ADGRA3: variants seen among roughly 807,000 people sequenced by gnomAD.
ADGRA3 encodes the protein adhesion G protein-coupled receptor A3.
Under a neutral mutation model 119.8 loss-of-function variants are expected in ADGRA3, and 56 were observed. The observed-to-expected ratio is 0.47, with a 90% CI of 0.38 to 0.58. The LOEUF (loss-of-function observed/expected upper bound fraction) is 0.58. Ranked by LOEUF, ADGRA3 falls within the 20% of genes least tolerant of loss-of-function variation. The pLI is 0.00. For missense variants in ADGRA3, 1,516 were observed against 1,649.0 expected, an observed-to-expected ratio of 0.92 and a Z score of 1.40; for synonymous variants, 607 against 623.8, an observed-to-expected ratio of 0.97 and a Z score of 0.40.
chr4:22,447,000 A>G (rs1437427649), intron 5 of ADGRA3, among the ~76,000 whole-genome samples: 1 of 150,912 alleles, frequency 6.6e-6, no homozygotes, highest in Non-Finnish European at 1.5e-5. Context: ...GAATATCCCT[A>G]GAAACATCAG....
intron 3 of ADGRA3, among the ~76,000 whole-genome samples, chr4:22,456,248 C>T (rs886614106): frequency 6.6e-6 from 1 of 152,096 alleles, no homozygotes; most frequent in African/African-American, 2.4e-5. Flanking sequence ...GTCAACTTCG[C>T]TGGATTGAGA....
At chr4:22,509,882 C>T (rs1212211637) in intron 1 of ADGRA3, among the ~76,000 whole-genome samples, 4 of 151,668 alleles carry the variant, frequency 2.6e-5, no homozygotes, top group African/African-American at 4.8e-5. Context: ...TGGTAGCGGG[C>T]GCCTGTAGTC....
At chr4:22,488,357 A>T (rs1323780545) in intron 1 of ADGRA3, among the ~76,000 whole-genome samples, 2 of 47,198 alleles carry the variant, frequency 4.2e-5, no homozygotes, top group African/African-American at 9.4e-5. Context: ...ATGAAGCTTT[A>T]AAAAAAAAAA....
At chr4:22,508,342 T>C (rs1484989122) in intron 1 of ADGRA3, among the ~76,000 whole-genome samples, 6 of 152,160 alleles carry the variant, frequency 3.9e-5, no homozygotes. Context: ...AAGCAAAATA[T>C]AAACTGCTCA....
chr4:22,450,184 C>G (rs906084257), intron 4 of ADGRA3, among the ~76,000 whole-genome samples: 11 of 151,562 alleles, frequency 7.3e-5, no homozygotes, highest in African/African-American at 1.2e-4. Flanking sequence ...ATGACCAGAA[C>G]AAAGTCACTG....
chr4:22,504,841 C>T (rs901825713), intron 1 of ADGRA3, among the ~76,000 whole-genome samples: 1 of 152,020 alleles, frequency 6.6e-6, no homozygotes, highest in African/African-American at 2.4e-5. Context: ...CCAGAACCAC[C>T]CAACGAGGCT....
chr4:22,485,315 A>G (rs1190921023), intron 1 of ADGRA3, among the ~76,000 whole-genome samples: 1 of 152,128 alleles, frequency 6.6e-6, no homozygotes, highest in Non-Finnish European at 1.5e-5. Flanking sequence ...TTGGCCTCCC[A>G]AAGTGCTAGG....
intron 1 of ADGRA3, among the ~76,000 whole-genome samples, chr4:22,481,342 C>T (rs935956552): frequency 1.3e-5 from 2 of 152,142 alleles, no homozygotes; most frequent in African/African-American, 2.4e-5. Flanking sequence ...TTACCCCAGT[C>T]ATGAAAACTG....
rs571722336 is a variant in ADGRA3 at position 22,451,764 on chromosome 4, C to T, written c.473+3102G>A. Among the ~76,000 whole-genome samples the T allele has an allele frequency of 4.3e-4, 65 of 152,258 alleles. 1 individual carries two copies. In the South Asian group the frequency reaches 5.4e-3, roughly 13 times the overall value. On this transcript the variant is annotated intron_variant, in intron 4 of 18. Coordinates refer to ENST00000334304, the MANE Select transcript of ADGRA3 (RefSeq NM_145290.4). ...CCATTTGAAGAGTTACCAGAGGAAACGGCTAGAACAGTGATCCACTCTAGA... is the reference window on the plus strand; with the variant it reads ...CCATTTGAAGAGTTACCAGAGGAAATGGCTAGAACAGTGATCCACTCTAGA...
At chr4:22,507,785 C>A (rs552351998) in intron 1 of ADGRA3, among the ~76,000 whole-genome samples, 2 of 152,104 alleles carry the variant, frequency 1.3e-5, no homozygotes, top group Non-Finnish European at 1.5e-5. Context: ...GCAATATTCC[C>A]GGTAGGAATT....
intron 16 of ADGRA3, chr4:22,398,236 G>T: frequency 1.7e-6 from 1 of 603,272 alleles, no homozygotes; most frequent in South Asian, 7.3e-5. Flanking sequence ...GTTAGTATAT[G>T]CCTGGTACTC....
chr4:22,453,772 T>C (rs2109090333), intron 4 of ADGRA3, among the ~76,000 whole-genome samples: 1 of 152,330 alleles, frequency 6.6e-6, no homozygotes, highest in Non-Finnish European at 1.5e-5. Context: ...TATCTGCTTT[T>C]CATACATTTC....
chr4:22,390,179 A>G (rs995470335), intron 17 of ADGRA3, among the ~76,000 whole-genome samples: 1 of 151,572 alleles, frequency 6.6e-6, no homozygotes, highest in Non-Finnish European at 1.5e-5. Flanking sequence ...AGAAAGTATT[A>G]TTTCCAAAAT....
In ADGRA3 at chr4:22,454,934, A is replaced by G. The variant is rs1404672952; in HGVS notation, c.405T>C (p.Asp135=). 2 of 1,612,442 alleles carry G rather than the reference A, an allele frequency of 1.2e-6. No homozygotes were observed. Among genetic ancestry groups the G allele is most frequent in the Admixed American group, 3.3e-5 (2 of 60,004 alleles). Residue 135 remains aspartate, a synonymous_variant, in exon 4 of 19, where the codon GAT becomes GAC. Transcript: ENST00000334304. ...FWGLSSLKRL[D]LTNNRIGCLN... is the part of the protein sequence containing the mutation. ...GACATCCTATTCGATTGTTTGTCAG[A>G]TCCCTAAGGAGAAGGGTGGAAAAGT...
intron 1 of ADGRA3, among the ~76,000 whole-genome samples, chr4:22,488,981 A>G (rs1560342761): frequency 2.0e-5 from 3 of 152,176 alleles, no homozygotes; most frequent in Non-Finnish European, 4.4e-5. Context: ...ATATTATTTA[A>G]CAGGCACAGA....
chr4:22,448,621 AG>A (rs1283046991), intron 4 of ADGRA3, among the ~76,000 whole-genome samples: 1 of 152,194 alleles, frequency 6.6e-6, no homozygotes, highest in African/African-American at 2.4e-5. Flanking sequence ...AGAACTGATC[AG>A]GAAGAGGTCA....
chr4:22,407,701 G>A (rs975730613), intron 14 of ADGRA3, among the ~76,000 whole-genome samples: 12 of 152,086 alleles, frequency 7.9e-5, no homozygotes, highest in African/African-American at 1.7e-4. Flanking sequence ...AACATCAAAT[G>A]TGTGTTAAAA....
At chr4:22,451,862 G>T (rs1221907563) in intron 4 of ADGRA3, among the ~76,000 whole-genome samples, 1 of 152,174 alleles carries the variant, frequency 6.6e-6, no homozygotes, top group Non-Finnish European at 1.5e-5. Context: ...CCTAATCTAA[G>T]AAATGTATTA....
At chr4:22,394,857 G>T (rs982442434) in intron 16 of ADGRA3, 6 of 152,124 alleles carry the variant, frequency 3.9e-5, no homozygotes, top group Admixed American at 2.0e-4. Flanking sequence ...GAATTTTAGG[G>T]GTATGATGAC....
Sources: allele counts gnomAD v4.1 joint callset (sites outside exome capture counted in the v4.1 genomes callset), GRCh38; gene constraint gnomAD v4.1.1; transcripts MANE v1.5; gene names NCBI Gene and HGNC (gene_info 2026-07-23, HGNC 2026-07-21).